The following SLC49A3 variants were observed in gnomAD, a reference collection of about 807,000 sequenced individuals.
SLC49A3 encodes solute carrier family 49 member 3.
Under a neutral mutation model 43.8 loss-of-function variants are expected in SLC49A3, and 50 were observed. The observed-to-expected ratio is 1.14, with a 90% confidence interval of 0.91 to 1.45. The LOEUF is 1.45. Ranked by LOEUF, SLC49A3 falls within the 40% of genes most tolerant of loss-of-function variation. The pLI, the probability that SLC49A3 is intolerant of heterozygous loss-of-function variation, is 0.00. For synonymous variants in SLC49A3, 413 were observed against 352.0 expected (o/e 1.17, Z -1.94); for missense variants, 906 against 774.1 (o/e 1.17, Z -2.02).
chr4:678,171 T>A, downstream of SLC49A3: 1 of 1,541,254 alleles, frequency 6.5e-7, no homozygotes, highest in Middle Eastern at 2.2e-4. Flanking sequence ...CCTGCATATG[T>A]GTGTGCATGA....
upstream of SLC49A3, among the ~76,000 whole-genome samples, chr4:690,819 G>A (rs1231026385): frequency 6.6e-6 from 1 of 152,262 alleles, no homozygotes; most frequent in Admixed American, 6.5e-5. Context: ...GGTTGAGCAG[G>A]TGAGCTCAGC....
At chr4:681,062 G>A (rs1739432816), downstream of SLC49A3, 4 of 1,577,036 alleles carry the variant, frequency 2.5e-6, no homozygotes, top group Admixed American at 1.8e-5. Flanking sequence ...CCCCGCATCA[G>A]CCCGCGCTGA....
At position 683,699 on chromosome 4, in the gene SLC49A3, G is replaced by A. The variant is rs757626082; in HGVS notation, c.903C>T (p.Leu301=). The change falls in exon 7 of 10, where the codon CTC becomes CTT. Residue 301 remains leucine, a synonymous_variant. Transcript: ENST00000322224. ...GCTTGGTCCGGTCCACATAGGGGCCGAGAGCCAGTGCCCCCAGGATCCCAA... is the reference window on the plus strand; with the variant it reads ...GCTTGGTCCGGTCCACATAGGGGCCAAGAGCCAGTGCCCCCAGGATCCCAA... The part of the protein sequence containing the change: ...ITFGILGALA[L]GPYVDRTKHF... 9 of 1,600,796 alleles carry A rather than the reference G, an allele frequency of 5.6e-6. No individual in the cohort carries two copies. The highest frequency in any genetic ancestry group is 3.5e-5 in the Admixed American group (2 of 57,846).
In SLC49A3 at chr4:682,797, A is replaced by C; in HGVS notation, c.1245T>G (p.Asp415Glu). The C allele has an allele frequency of 6.3e-7, 1 of 1,593,020 alleles. No homozygotes were observed. The highest frequency in any genetic ancestry group is 2.3e-5 in the East Asian group (1 of 44,230). ...PSLSTCQQGE[D>E]PLDWTVSLLL... ...GAGGCTCACCTGTCCAGTCAAGTGG[A>C]TCCTCCCCCTGCTGGCAGGTGGACA... Residue 415 changes from aspartate to glutamate, a missense_variant, in exon 9 of 10, where the codon GAT becomes GAG. Transcript: ENST00000322224.
downstream of SLC49A3, chr4:677,929 C>G: frequency 6.2e-7 from 1 of 1,602,562 alleles, no homozygotes; most frequent in Non-Finnish European, 8.5e-7. Flanking sequence ...TAGGGAGTGG[C>G]AGCCGGAGTC....
At chr4:684,687 C>A (rs761275176) in intron 5 of SLC49A3, 32 bp downstream of exon 5, 15 of 1,605,324 alleles carry the variant, frequency 9.3e-6, no homozygotes, top group Non-Finnish European at 1.3e-5. Flanking sequence ...ACCCCCAAAT[C>A]CACCCTACCC....
chr4:678,392 A>AT (rs1739072378), downstream of SLC49A3: 6 of 1,415,168 alleles, frequency 4.2e-6, no homozygotes, highest in Non-Finnish European at 5.5e-6. Flanking sequence ...CTGGACGGCG[A>AT]TCCCTGACCA....
upstream of SLC49A3, among the ~76,000 whole-genome samples, chr4:689,895 G>A (rs1185545892): frequency 6.6e-6 from 1 of 152,234 alleles, no homozygotes; most frequent in Non-Finnish European, 1.5e-5. Context: ...CCACAACTGT[G>A]CCTGGCCCAC....
At position 682,118 on chromosome 4, in the gene SLC49A3, G is replaced by C. The variant is rs534945731; in HGVS notation, c.1520C>G (p.Pro507Arg). 2 of 1,354,984 alleles carry C rather than the reference G, an allele frequency of 1.5e-6. No homozygotes were observed. Among genetic ancestry groups the C allele is most frequent in the South Asian group, 1.8e-5 (1 of 54,696 alleles). 83.9% of individuals were successfully genotyped at this position (1,354,984 alleles called of 1,614,324 possible). Residue 507 changes from proline to arginine, a missense_variant, in exon 10 of 10, where the codon CCC becomes CGC. Transcript: ENST00000322224. ...SLEDPRGPGS[P>R]HPACHRATPR... is the part of the protein sequence containing the mutation. ...AGTCGCTCGGTGGCAGGCTGGGTGG[G>C]GGCTCCCGGGCCCTCTGGGGTCCTC...
Position 683,265 on chromosome 4 carries a change from C to G in SLC49A3, c.1096G>C (p.Glu366Gln). Residue 366 changes from glutamate (E) to glutamine (Q), a missense_variant, in exon 8 of 10, where the codon GAG becomes CAG. Physicochemically the swap from Glu to Gln is conservative, Grantham distance 29. Coordinates refer to ENST00000322224, the MANE Select transcript of SLC49A3 (RefSeq NM_032219.4). ...CCCTCCCCCACGGGGAAGGAACACT[C>G]GACCGCCAACTCCATGGCCACGGGG... Reference protein sequence around the residue: ...VGPVAMELAVECSFPVGEGAA... With the variant: ...VGPVAMELAVQCSFPVGEGAA... 1 of 1,612,746 alleles carries G rather than the reference C, an allele frequency of 6.2e-7. No homozygotes were observed. Among genetic ancestry groups the G allele is most frequent in the Non-Finnish European group, 8.5e-7 (1 of 1,179,904 alleles).
rs1020200787 is a variant in SLC49A3, at chr4:689,117, G to A, written c.11C>T (p.Pro4Leu). The A allele has an allele frequency of 7.8e-6, 11 of 1,404,144 alleles. No individual in the cohort carries two copies. The highest frequency in any genetic ancestry group is 1.0e-5 in the Non-Finnish European group (11 of 1,086,734). The allele number at this position is 1,404,144 out of a possible 1,614,324, so 87.0% of individuals were successfully genotyped here. The change falls in exon 1 of 10, where the codon CCG becomes CTG. Residue 4 changes from proline (P) to leucine (L), a missense_variant. Transcript: ENST00000322224. ...GGCCAACCCCGTCTCGGCCTCCGTC[G>A]GCCCCGCCATCGTCGGCGGCCTCCA... The part of the protein sequence containing the change: MAG[P>L]TEAETGLAEP...
intron 9 of SLC49A3, 71 bp from the exon 10 acceptor site, chr4:682,447 G>A (rs149444319): frequency 1.5e-6 from 2 of 1,291,910 alleles, no homozygotes; most frequent in Non-Finnish European, 2.0e-6. Context: ...CCCAATGCTG[G>A]CCTATGGTGA....
At chr4:678,390 C>T (rs977966896), downstream of SLC49A3, 38 of 1,412,894 alleles carry the variant, frequency 2.7e-5, no homozygotes, top group Middle Eastern at 2.6e-4. Context: ...TGCTGGACGG[C>T]GATCCCTGAC....
chr4:689,763 G>A (rs886559450), upstream of SLC49A3, among the ~76,000 whole-genome samples: 1 of 152,278 alleles, frequency 6.6e-6, no homozygotes, highest in South Asian at 2.1e-4. Context: ...ATTTTACAAT[G>A]GAGGACACGG....
downstream of SLC49A3, chr4:679,776 G>A (rs760790230): frequency 2.9e-5 from 20 of 682,838 alleles, no homozygotes; most frequent in Non-Finnish European, 4.8e-5. Flanking sequence ...ACTGCCCCAC[G>A]TGCCTGGGCC....
At chr4:689,171 C>T (rs944553375), upstream of SLC49A3, 217 of 1,272,390 alleles carry the variant, frequency 1.7e-4, no homozygotes, top group Non-Finnish European at 2.0e-4. Flanking sequence ...GCCGGCCGCC[C>T]GGGCTTAAGG....
chr4:691,037 A>G (rs932203799), upstream of SLC49A3, among the ~76,000 whole-genome samples: 1 of 152,242 alleles, frequency 6.6e-6, no homozygotes, highest in Non-Finnish European at 1.5e-5. Flanking sequence ...CTGTAATCCC[A>G]GCACTTTGGG....
intron 1 of SLC49A3, chr4:688,066 CCACT>C (rs1741401466): frequency 2.0e-5 from 3 of 152,460 alleles, no homozygotes; most frequent in Admixed American, 2.0e-4. Context: ...CCTACGACAC[CCACT>C]GACTCTTGGA....
chr4:684,716 G>C lies in SLC49A3; in HGVS notation c.723+3C>G, dbSNP rs1740630624. ...CCTACCCCGGGGATCCCACGGCACTGACCAGCTTGAGCCCATCCAGGAACT... is the reference window on the plus strand; with the variant it reads ...CCTACCCCGGGGATCCCACGGCACTCACCAGCTTGAGCCCATCCAGGAACT... On this transcript the variant is annotated splice_donor_region_variant and intron_variant, in intron 5 of 9. Coordinates refer to ENST00000322224, the MANE Select transcript of SLC49A3 (RefSeq NM_032219.4). 1.2e-6 allele frequency: 2 copies of C among 1,610,296 alleles called. No homozygotes were observed. The highest frequency in any genetic ancestry group is 1.7e-6 in the Non-Finnish European group (2 of 1,178,844).
Sources: allele counts gnomAD v4.1 joint callset (sites outside exome capture counted in the v4.1 genomes callset), GRCh38; gene constraint gnomAD v4.1.1; transcripts MANE v1.5; gene names NCBI Gene and HGNC (gene_info 2026-07-23, HGNC 2026-07-21).